Variants in PPM1L observed in about 807,000 individuals in gnomAD.
The protein encoded by PPM1L is protein phosphatase, Mg2+/Mn2+ dependent 1L, also known as protein phosphatase 1L.
PPM1L carries 13 observed loss-of-function variants against 31.4 expected under a neutral mutation model. That is an observed-to-expected ratio of 0.41 (90% confidence interval 0.27 to 0.66). PPM1L has a LOEUF of 0.66. Among genes scored for constraint, PPM1L ranks in the 30% least tolerant of loss-of-function variants. PPM1L has a pLI of 0.29. For synonymous variants in PPM1L, 184 were observed against 175.4 expected, an observed-to-expected ratio of 1.05 and a Z score of -0.39; for missense variants, 326 against 453.7, an observed-to-expected ratio of 0.72 and a Z score of 2.56.
chr3:161,064,563 G>T (rs990573904), intron 2 of PPM1L, among the ~76,000 whole-genome samples: 3 of 152,138 alleles, frequency 2.0e-5, no homozygotes, highest in African/African-American at 7.2e-5. Context: ...ATTTCAGCAG[G>T]TATTTGCATA....
At chr3:160,784,165 A>T (rs1001140414) in intron 1 of PPM1L, among the ~76,000 whole-genome samples, 1 of 152,218 alleles carries the variant, frequency 6.6e-6, no homozygotes, top group African/African-American at 2.4e-5. Flanking sequence ...TTTTAAAAAA[A>T]GCGTACCTAT....
chr3:161,073,694 TGG>T lies in PPM1L; in HGVS notation c.*4539_*4540del, dbSNP rs1237607934. Reference sequence around the variant, plus strand: ...CTCCTGCCTCAGCCTCCTGAGCAGCTGGGACTACAGGCGGCCTCCACCACACC... The same window carrying T: ...CTCCTGCCTCAGCCTCCTGAGCAGCTGACTACAGGCGGCCTCCACCACACC... On this transcript the variant is annotated 3_prime_UTR_variant, in exon 4 of 4. Transcript: ENST00000498165. The T allele has an allele frequency of 6.6e-6, 1 of 152,244 alleles. No homozygotes were observed. Among genetic ancestry groups the T allele is most frequent in the Non-Finnish European group, 1.5e-5 (1 of 68,136 alleles). The allele number at this position is 152,244 out of a possible 1,614,324, so 9.4% of individuals were successfully genotyped here.
chr3:161,051,422 T>G (rs1719276459), intron 2 of PPM1L, among the ~76,000 whole-genome samples: 1 of 151,858 alleles, frequency 6.6e-6, no homozygotes, highest in South Asian at 2.1e-4. Context: ...TGTCCTATAT[T>G]ATTAAATACA....
At chr3:160,816,860 A>G (rs1203272008) in intron 1 of PPM1L, among the ~76,000 whole-genome samples, 1 of 152,038 alleles carries the variant, frequency 6.6e-6, no homozygotes, top group Non-Finnish European at 1.5e-5. Flanking sequence ...TTATTCTACA[A>G]CCAACGTCTC....
intron 1 of PPM1L, among the ~76,000 whole-genome samples, chr3:160,783,735 C>G (rs916963498): frequency 6.6e-6 from 1 of 151,986 alleles, no homozygotes; most frequent in African/African-American, 2.4e-5. Flanking sequence ...TACCATGTTC[C>G]CCCTCTGGAT....
At chr3:161,036,578 A>G (rs565334183) in intron 2 of PPM1L, among the ~76,000 whole-genome samples, 4 of 152,330 alleles carry the variant, frequency 2.6e-5, no homozygotes, top group Non-Finnish European at 4.4e-5. Flanking sequence ...AGTAATTGGT[A>G]AATTTTATGT....
At chr3:161,042,349 C>G (rs752317110) in intron 2 of PPM1L, among the ~76,000 whole-genome samples, 3 of 152,202 alleles carry the variant, frequency 2.0e-5, no homozygotes, top group South Asian at 2.1e-4. Flanking sequence ...CTTCAGCCAC[C>G]AGCCTAGCAA....
chr3:160,904,968 G>A (rs998078608), intron 1 of PPM1L, among the ~76,000 whole-genome samples: 1 of 152,018 alleles, frequency 6.6e-6, no homozygotes, highest in Non-Finnish European at 1.5e-5. Flanking sequence ...TGTGATTTTG[G>A]TGTTGAAAGA....
At chr3:160,781,627 G>T (rs974537794) in intron 1 of PPM1L, among the ~76,000 whole-genome samples, 10 of 152,174 alleles carry the variant, frequency 6.6e-5, no homozygotes, top group Non-Finnish European at 1.0e-4. Flanking sequence ...CTCATTTCCT[G>T]CAATAGGAGA....
intron 1 of PPM1L, among the ~76,000 whole-genome samples, chr3:160,798,134 C>T (rs910681908): frequency 3.9e-5 from 6 of 152,004 alleles, no homozygotes; most frequent in African/African-American, 1.2e-4. Flanking sequence ...GCCGAGATCA[C>T]GCCATTGCAC....
At chr3:160,908,950 G>A (rs1713859000) in intron 1 of PPM1L, among the ~76,000 whole-genome samples, 1 of 152,100 alleles carries the variant, frequency 6.6e-6, no homozygotes, top group African/African-American at 2.4e-5. Flanking sequence ...TATGAAGGTG[G>A]GGTAAGAATT....
chr3:160,855,713 A>C (rs1369433131), intron 1 of PPM1L, among the ~76,000 whole-genome samples: 4 of 152,182 alleles, frequency 2.6e-5, no homozygotes, highest in Non-Finnish European at 5.9e-5. Flanking sequence ...AAAAAACAAC[A>C]GATGCTGGCG....
chr3:160,976,973 C>G (rs1326595502), intron 2 of PPM1L, among the ~76,000 whole-genome samples: 1 of 152,066 alleles, frequency 6.6e-6, no homozygotes, highest in Non-Finnish European at 1.5e-5. Flanking sequence ...GTTAGGGTGT[C>G]AATTTTGGAT....
chr3:160,934,759 C>T (rs1038726976), intron 1 of PPM1L, among the ~76,000 whole-genome samples: 1 of 151,996 alleles, frequency 6.6e-6, no homozygotes, highest in Admixed American at 6.6e-5. Context: ...TTGAGACACG[C>T]CTGGGCAATG....
chr3:160,924,124 C>A (rs139131400), intron 1 of PPM1L, among the ~76,000 whole-genome samples: 1 of 152,284 alleles, frequency 6.6e-6, no homozygotes, highest in East Asian at 1.9e-4. Flanking sequence ...GAGGTAAATG[C>A]TGAAAGAGGG....
chr3:160,930,375 G>A (rs71314028), intron 1 of PPM1L, among the ~76,000 whole-genome samples: 3,699 of 152,262 alleles, frequency 0.024, 63 homozygotes, highest in Non-Finnish European at 0.039. Flanking sequence ...AGAATAAAAT[G>A]TGGTTGTACT....
chr3:161,023,120 T>G (rs1718283227), intron 2 of PPM1L, among the ~76,000 whole-genome samples: 1 of 143,938 alleles, frequency 6.9e-6, no homozygotes, highest in Non-Finnish European at 1.5e-5. Flanking sequence ...TCTTGTACAT[T>G]ATGAGGGTTT....
Position 160,771,961 on chromosome 3 carries a change from C to T in PPM1L, c.399+15254C>T, listed in dbSNP as rs80063294. On this transcript the variant is annotated intron_variant, in intron 1 of 3. Coordinates refer to ENST00000498165, the MANE Select transcript of PPM1L (RefSeq NM_139245.4). Reference sequence around the variant, plus strand: ...ACCAACTGGGGATTCTGACCTTTTCCCTACTTTTCTGGAACTCTTCTGAGC... The same window carrying T: ...ACCAACTGGGGATTCTGACCTTTTCTCTACTTTTCTGGAACTCTTCTGAGC... Among the ~76,000 whole-genome samples the T allele has an allele frequency of 5.4e-4, 82 of 152,090 alleles. No individual in the cohort carries two copies. The East Asian group carries it at 0.012, about 22-fold the overall frequency.
chr3:160,848,018 G>A (rs796739645), intron 1 of PPM1L, among the ~76,000 whole-genome samples: 70 of 152,278 alleles, frequency 4.6e-4, no homozygotes, highest in African/African-American at 1.6e-3. Flanking sequence ...CATAGAGTAC[G>A]ATGGTAATGG....
Sources: gnomAD v4.1 joint callset for allele counts (sites outside exome capture counted in the v4.1 genomes callset) on GRCh38, gnomAD v4.1.1 for gene constraint, MANE v1.5 for transcripts, NCBI Gene and HGNC (gene_info 2026-07-23, HGNC 2026-07-21) for gene names.